The following MARCHF10 variants were observed in gnomAD, a reference collection of about 807,000 sequenced individuals.
The protein encoded by MARCHF10 is membrane associated ring-CH-type finger 10.
In MARCHF10, 64 loss-of-function variants were observed where a neutral mutation model predicts 76.2. The observed-to-expected ratio is 0.84, with a 90% confidence interval of 0.69 to 1.03. MARCHF10 has a LOEUF of 1.03. Among genes scored for constraint, MARCHF10 ranks in the 50% least tolerant of loss-of-function variants. The probability of loss-of-function intolerance (pLI) is 0.00; values close to 1 mark genes in which losing one functional copy is unlikely to be tolerated. For synonymous variants in MARCHF10, 340 were observed against 357.5 expected, an observed-to-expected ratio of 0.95 and a Z score of 0.55; for missense variants, 875 against 958.0, an observed-to-expected ratio of 0.91 and a Z score of 1.14.
At chr17:62,807,875 T>C (rs1227641099) in intron 1 of MARCHF10, among the ~76,000 whole-genome samples, 2 of 152,210 alleles carry the variant, frequency 1.3e-5, no homozygotes, top group Non-Finnish European at 2.9e-5. Context: ...TGGGTGCCAG[T>C]GAGCAAAGGT....
intron 2 of MARCHF10, chr17:62,795,130 G>A (rs1003923935): frequency 1.5e-5 from 13 of 876,940 alleles, no homozygotes; most frequent in African/African-American, 1.5e-4. Context: ...CTTGCCACCC[G>A]CTATAAAGTC....
At chr17:62,732,889 A>C (rs1197846164) in intron 6 of MARCHF10, among the ~76,000 whole-genome samples, 1 of 148,034 alleles carries the variant, frequency 6.8e-6, no homozygotes, top group African/African-American at 2.5e-5. Context: ...GCTACTGGGG[A>C]GGCTGAGGCA....
At chr17:62,751,390 T>C (rs940351455) in intron 4 of MARCHF10, among the ~76,000 whole-genome samples, 1 of 152,128 alleles carries the variant, frequency 6.6e-6, no homozygotes, top group Non-Finnish European at 1.5e-5. Flanking sequence ...TTCTTAGCAA[T>C]GCAGGATCTC....
intron 1 of MARCHF10, among the ~76,000 whole-genome samples, chr17:62,804,564 A>T (rs996258523): frequency 6.6e-6 from 1 of 152,190 alleles, no homozygotes; most frequent in South Asian, 2.1e-4. Flanking sequence ...GAGAGCATTC[A>T]TTGGAGTGAC....
chr17:62,736,461 G>T lies in MARCHF10; in HGVS notation c.1407C>A (p.Ser469=), dbSNP rs1035467397. ...PISPRSSVNS[S]YNPPASFMHS... ...GCATGAATGATGCAGGAGGGTTATA[G>T]GATGAATTCACTGATGATCTTGGAG... Residue 469 remains serine, a synonymous_variant, in exon 6 of 11, where the codon TCC becomes TCA. Transcript: ENST00000311269. 3.8e-5 allele frequency: 62 copies of T among 1,614,032 alleles called. No homozygotes were observed. The Admixed American group carries it at 1.0e-3, about 26-fold the overall frequency.
chr17:62,753,774 C>T (rs540849859), intron 4 of MARCHF10, among the ~76,000 whole-genome samples: 1 of 152,318 alleles, frequency 6.6e-6, no homozygotes, highest in East Asian at 1.9e-4. Context: ...GGTCAGGGTG[C>T]GCCTTGCACT....
chr17:62,791,125 A>C (rs2092834823), intron 2 of MARCHF10, among the ~76,000 whole-genome samples: 1 of 152,272 alleles, frequency 6.6e-6, no homozygotes, highest in African/African-American at 2.4e-5. Context: ...CAAAACAAAC[A>C]AAAAACACCC....
At chr17:62,714,343 T>C (rs1233342813) in intron 8 of MARCHF10, 29 of 965,672 alleles carry the variant, frequency 3.0e-5, no homozygotes, top group Non-Finnish European at 1.5e-5. Context: ...CAATTTGTAA[T>C]GGAAGGGAAG....
At chr17:62,734,254 C>T (rs755005254) in intron 6 of MARCHF10, among the ~76,000 whole-genome samples, 5 of 151,698 alleles carry the variant, frequency 3.3e-5, no homozygotes, top group Non-Finnish European at 5.9e-5. Context: ...CACAACACAA[C>T]GAAATGCAAA....
intron 3 of MARCHF10, among the ~76,000 whole-genome samples, chr17:62,782,887 T>G (rs1394538847): frequency 6.6e-6 from 1 of 152,194 alleles, no homozygotes; most frequent in Non-Finnish European, 1.5e-5. Flanking sequence ...CCTCTCACCC[T>G]GCCCTTCCTC....
At chr17:62,794,005 G>GACCACCATC (rs991418618) in intron 2 of MARCHF10, among the ~76,000 whole-genome samples, 3 of 87,256 alleles carry the variant, frequency 3.4e-5, no homozygotes, top group Non-Finnish European at 7.0e-5. Flanking sequence ...CCTCCATCAT[G>GACCACCATC]ACCACCATCA....
intron 4 of MARCHF10, 96 bp downstream of exon 4, chr17:62,759,738 TG>T: frequency 7.8e-7 from 1 of 1,277,546 alleles, no homozygotes; most frequent in Non-Finnish European, 1.1e-6. Flanking sequence ...CTCAAAGTGC[TG>T]GGATTACAGG....
chr17:62,791,384 C>A (rs1044043750), intron 2 of MARCHF10, among the ~76,000 whole-genome samples: 2 of 152,196 alleles, frequency 1.3e-5, no homozygotes, highest in Non-Finnish European at 2.9e-5. Flanking sequence ...GCAGTGTTAG[C>A]AAATGCACCA....
At chr17:62,791,101 CATA>C (rs1392877038) in intron 2 of MARCHF10, among the ~76,000 whole-genome samples, 3 of 152,158 alleles carry the variant, frequency 2.0e-5, no homozygotes, top group Admixed American at 6.5e-5. Flanking sequence ...AGGCAGTAAC[CATA>C]ATAAGTTAAA....
At position 62,747,092 on chromosome 17, in the gene MARCHF10, T is replaced by G. The variant is rs533451630; in HGVS notation, c.383-2564A>C. The G allele has an allele frequency of 6.2e-5, 46 of 739,458 alleles. No homozygotes were observed. In the East Asian group the frequency reaches 1.1e-3, roughly 17 times the overall value. The allele number at this position is 739,458 out of a possible 1,614,324, so 45.8% of individuals were successfully genotyped here. A position where few individuals can be genotyped will look rare whatever the true frequency, so the allele number is the denominator to read the frequency against. ...CTCTCCAACTAGCCTGCACGCTCCT[T>G]AAGAATGAGGATCGTCTCTCAGCCA... On this transcript the variant is annotated intron_variant, in intron 4 of 10. Transcript: ENST00000311269.
intron 5 of MARCHF10, among the ~76,000 whole-genome samples, chr17:62,740,624 C>A (rs936240084): frequency 5.9e-5 from 9 of 152,004 alleles, no homozygotes; most frequent in African/African-American, 2.2e-4. Flanking sequence ...TTTCATCCTG[C>A]AATTGTGCTT....
At chr17:62,728,650 A>G (rs1402538689) in intron 6 of MARCHF10, among the ~76,000 whole-genome samples, 1 of 152,208 alleles carries the variant, frequency 6.6e-6, no homozygotes, top group Admixed American at 6.5e-5. Context: ...AGGAACAGCA[A>G]GAGATAAGGA....
At position 62,711,286 on chromosome 17, in the gene MARCHF10, T is replaced by C. The variant is rs757519736; in HGVS notation, c.2273A>G (p.Glu758Gly). ...LYLVLLLHLYEQRFAELMRLN... is the reference protein window; with the variant it reads ...LYLVLLLHLYGQRFAELMRLN... ...CCTCATGAGTTCTGCAAACCTCTGC[T>C]CATAGAGGTGAAGCAGCAGCACCAG... Residue 758 changes from glutamate to glycine, a missense_variant, in exon 9 of 11, where the codon GAG (glutamate) becomes GGG (glycine). Physicochemically the swap from Glu to Gly is moderately conservative, Grantham distance 98. Coordinates refer to ENST00000311269, the MANE Select transcript of MARCHF10 (RefSeq NM_152598.4). This position sits in a 1 kb window ranked among gnomAD's most constrained non-coding sequence, Gnocchi z 4.4. 5.6e-6 allele frequency: 9 copies of C among 1,614,036 alleles called. No individual in the cohort carries two copies. In the Admixed American group the frequency reaches 1.5e-4, roughly 27 times the overall value.
At chr17:62,794,971 A>G in intron 2 of MARCHF10, 1 of 972,628 alleles carries the variant, frequency 1.0e-6, no homozygotes, top group Non-Finnish European at 1.2e-6. Context: ...ATTCCCCTCC[A>G]GCTAGTTTTT....
Sources: allele counts gnomAD v4.1 joint callset (sites outside exome capture counted in the v4.1 genomes callset), GRCh38; gene constraint gnomAD v4.1.1; non-coding constraint Gnocchi (gnomAD v3.1); transcripts MANE v1.5; gene names NCBI Gene and HGNC (gene_info 2026-07-23, HGNC 2026-07-21).